Variants in ADAMTSL3 observed in about 807,000 individuals in gnomAD.
ADAMTSL3 encodes ADAMTS-like protein 3.
ADAMTSL3 carries 128 observed loss-of-function variants against 201.7 expected under a neutral mutation model. The observed-to-expected ratio is 0.63, with a 90% CI of 0.55 to 0.73. ADAMTSL3 has a LOEUF of 0.73. Ranked by LOEUF, ADAMTSL3 falls within the 30% of genes least tolerant of loss-of-function variation. The probability of loss-of-function intolerance (pLI) is 0.00; values close to 1 mark genes in which losing one functional copy is unlikely to be tolerated. For missense variants in ADAMTSL3, 1,990 were observed against 2,119.6 expected, an observed-to-expected ratio of 0.94 and a Z score of 1.20; for synonymous variants, 738 against 748.4, an observed-to-expected ratio of 0.99 and a Z score of 0.23.
Position 83,885,286 on chromosome 15 carries a change from T to G in ADAMTSL3, c.1072+74T>G. ...AATTAGACATTTACATTTTTGAAGC[T>G]GATTTTAAAATTGGTGTGGTGATTA... is the stretch of plus-strand genomic sequence containing the variant. On this transcript the variant is annotated intron_variant, in intron 10 of 29. Coordinates refer to ENST00000286744, the MANE Select transcript of ADAMTSL3 (RefSeq NM_207517.3). The G allele has an allele frequency of 7.4e-6, 9 of 1,218,654 alleles. 1 individual carries two copies. The Middle Eastern group carries it at 1.5e-3, about 209-fold the overall frequency. 75.5% of individuals were successfully genotyped at this position (1,218,654 alleles called of 1,614,324 possible). A position where few individuals can be genotyped will look rare whatever the true frequency, so the allele number is the denominator to read the frequency against.
intron 6 of ADAMTSL3, among the ~76,000 whole-genome samples, chr15:83,825,282 A>G (rs1480079882): frequency 6.6e-6 from 1 of 152,214 alleles, no homozygotes; most frequent in East Asian, 1.9e-4. Context: ...GACAATGATC[A>G]TGCATTGTTT....
intron 23 of ADAMTSL3, among the ~76,000 whole-genome samples, chr15:84,007,790 CT>C (rs2067921629): frequency 6.6e-6 from 1 of 152,090 alleles, no homozygotes; most frequent in Non-Finnish European, 1.5e-5. Context: ...TGAAAATAGA[CT>C]GTAAAAAATC....
intron 3 of ADAMTSL3, among the ~76,000 whole-genome samples, chr15:83,733,144 C>A (rs946481450): frequency 6.6e-6 from 1 of 152,132 alleles, no homozygotes; most frequent in Admixed American, 6.6e-5. Flanking sequence ...TGTAAAATAT[C>A]TCCTTAAACC....
At chr15:83,906,615 C>T (rs1276455296) in intron 15 of ADAMTSL3, among the ~76,000 whole-genome samples, 1 of 142,400 alleles carries the variant, frequency 7.0e-6, no homozygotes, top group African/African-American at 2.6e-5. Context: ...TTATATAGTG[C>T]CACACACCAC....
intron 3 of ADAMTSL3, among the ~76,000 whole-genome samples, chr15:83,720,435 A>G (rs1400225620): frequency 2.0e-5 from 3 of 152,204 alleles, no homozygotes; most frequent in Non-Finnish European, 2.9e-5. Flanking sequence ...AAGATATATA[A>G]TCATATTCAA....
chr15:83,717,613 A>G (rs1239392957), intron 3 of ADAMTSL3: 3 of 152,222 alleles, frequency 2.0e-5, no homozygotes, highest in African/African-American at 7.2e-5. Flanking sequence ...CCTATCTTAC[A>G]CATTTGGCTT....
intron 7 of ADAMTSL3, among the ~76,000 whole-genome samples, chr15:83,857,981 G>C (rs948042886): frequency 3.9e-5 from 6 of 152,222 alleles, no homozygotes; most frequent in Non-Finnish European, 7.3e-5. Context: ...AATTATCAGT[G>C]TATGTAGCAG....
intron 3 of ADAMTSL3, among the ~76,000 whole-genome samples, chr15:83,749,470 G>T (rs140084804): frequency 6.6e-6 from 1 of 152,334 alleles, no homozygotes; most frequent in East Asian, 1.9e-4. Flanking sequence ...ATGCAGAACA[G>T]TTCTGATGAG....
chr15:83,861,886 G>A (rs1174848341), intron 8 of ADAMTSL3: 1 of 152,150 alleles, frequency 6.6e-6, no homozygotes, highest in Non-Finnish European at 1.5e-5. Flanking sequence ...CAAATTAGAC[G>A]AATGGCTAAC....
intron 4 of ADAMTSL3, among the ~76,000 whole-genome samples, chr15:83,797,984 G>C (rs1294854848): frequency 6.6e-6 from 1 of 152,068 alleles, no homozygotes; most frequent in Non-Finnish European, 1.5e-5. Context: ...AGAATAAAGA[G>C]AATTGATCAA....
intron 2 of ADAMTSL3, among the ~76,000 whole-genome samples, chr15:83,667,809 C>T (rs1222005866): frequency 1.3e-5 from 2 of 151,948 alleles, no homozygotes; most frequent in Non-Finnish European, 2.9e-5. Flanking sequence ...TACAAAACAG[C>T]CTCCTACAGA....
chr15:84,038,032 C>A lies in ADAMTSL3; in HGVS notation c.*226C>A. On this transcript the variant is annotated 3_prime_UTR_variant, in exon 30 of 30. Transcript: ENST00000286744. ...GATGTATTCAAGGATGAACAAAATA[C>A]TATAGCATGCATGCCACTGCACTTG... 1.7e-6 allele frequency: 1 copy of A among 584,480 alleles called. No homozygotes were observed. The highest frequency in any genetic ancestry group is 2.8e-6 in the Non-Finnish European group (1 of 357,552). The allele number at this position is 584,480 out of a possible 1,614,324, so 36.2% of individuals were successfully genotyped here.
At chr15:83,666,650 C>T (rs1451912099) in intron 2 of ADAMTSL3, among the ~76,000 whole-genome samples, 2 of 151,956 alleles carry the variant, frequency 1.3e-5, no homozygotes, top group Admixed American at 6.6e-5. Flanking sequence ...CCAGTCTGCA[C>T]AATATAGGGA....
At chr15:83,962,956 C>G (rs2067001603) in intron 19 of ADAMTSL3, among the ~76,000 whole-genome samples, 1 of 152,184 alleles carries the variant, frequency 6.6e-6, no homozygotes, top group Non-Finnish European at 1.5e-5. Flanking sequence ...CCGTGAGGGA[C>G]TGTGCTGTGA....
chr15:83,673,481 T>G (rs1476991970), intron 2 of ADAMTSL3, among the ~76,000 whole-genome samples: 1 of 151,972 alleles, frequency 6.6e-6, no homozygotes, highest in Non-Finnish European at 1.5e-5. Context: ...CATTGCTGGG[T>G]TTTTTTTCTA....
chr15:83,756,933 C>G (rs897787472), intron 3 of ADAMTSL3, among the ~76,000 whole-genome samples: 12 of 152,364 alleles, frequency 7.9e-5, no homozygotes, highest in African/African-American at 2.9e-4. Flanking sequence ...GACTCCATCT[C>G]TCACATCCAG....
In ADAMTSL3 at chr15:83,672,222, A is replaced by G. The variant is rs527761604; in HGVS notation, c.69+16392A>G. 3.3e-5 allele frequency among the ~76,000 whole-genome samples: 5 copies of G among 152,194 alleles called. No individual in the cohort carries two copies. The South Asian group carries it at 8.3e-4, about 25-fold the overall frequency. On this transcript the variant is annotated intron_variant, in intron 2 of 29. Transcript: ENST00000286744. Reference sequence around the variant, plus strand: ...AGGAGTACATTTTAAGCTATGTTATAAAATGGATACTCTGAGTCTATAGTT... The same window carrying G: ...AGGAGTACATTTTAAGCTATGTTATGAAATGGATACTCTGAGTCTATAGTT...
chr15:83,919,214 G>A (rs914577964), intron 16 of ADAMTSL3, among the ~76,000 whole-genome samples: 17 of 152,272 alleles, frequency 1.1e-4, no homozygotes, highest in South Asian at 6.2e-4. Context: ...TGCATCCAAG[G>A]ATTGAAGCCA....
At chr15:83,891,165 A>G in intron 11 of ADAMTSL3, 164 bp from the exon 12 acceptor site, 2 of 557,790 alleles carry the variant, frequency 3.6e-6, no homozygotes, top group African/African-American at 3.8e-5. Flanking sequence ...TGACAACTAA[A>G]GAGATGGTGG....
Sources: allele counts gnomAD v4.1 joint callset (sites outside exome capture counted in the v4.1 genomes callset), GRCh38; gene constraint gnomAD v4.1.1; transcripts MANE v1.5; gene names NCBI Gene and HGNC (gene_info 2026-07-23, HGNC 2026-07-21).